OXR1: variants seen among roughly 807,000 people sequenced by gnomAD.
OXR1 encodes oxidation resistance protein 1.
In OXR1, 41 loss-of-function variants were observed where a neutral mutation model predicts 104.6. That is an observed-to-expected ratio of 0.39 (90% CI 0.31 to 0.51). OXR1 has a LOEUF of 0.51. OXR1 is among the 20% of genes least tolerant of loss of function. The pLI is 0.77. For missense variants in OXR1, 955 were observed against 1,031.9 expected (o/e 0.93, Z 1.02); for synonymous variants, 348 against 348.4 (o/e 1.00, Z 0.01).
intron 2 of OXR1, among the ~76,000 whole-genome samples, chr8:106,455,011 C>T (rs1820527890): frequency 6.6e-6 from 1 of 152,134 alleles, no homozygotes; most frequent in Admixed American, 6.6e-5. Context: ...TGTCTGTACC[C>T]TTGCTGCTTG....
At chr8:106,500,013 A>G (rs1811680291) in intron 2 of OXR1, among the ~76,000 whole-genome samples, 2 of 152,380 alleles carry the variant, frequency 1.3e-5, no homozygotes, top group South Asian at 4.1e-4. Context: ...CCAGTGACCC[A>G]GGAATCACAA....
chr8:106,750,926 C>T lies in OXR1; in HGVS notation c.2607C>T (p.Ile869=). 1 of 1,602,984 alleles carries T rather than the reference C, an allele frequency of 6.2e-7. No individual in the cohort carries two copies. Among genetic ancestry groups the T allele is most frequent in the Non-Finnish European group, 8.5e-7 (1 of 1,176,362 alleles). ...ATTTCTTTATCCAAGATATTGAAAT[C>T]TGGGCTTTTGAATAAATAAAATGCT... The part of the protein sequence containing the change: ...KEDFFIQDIE[I]WAFE Residue 869 remains isoleucine (I), a synonymous_variant, in exon 17 of 17, where the codon ATC becomes ATT. Transcript: ENST00000517566.
chr8:106,665,953 CA>C (rs202130844), intron 3 of OXR1, among the ~76,000 whole-genome samples: 10 of 145,050 alleles, frequency 6.9e-5, no homozygotes, highest in African/African-American at 1.8e-4. Flanking sequence ...GAGAATATAA[CA>C]AAAAAAAAAC....
At chr8:106,673,664 C>T (rs1387979979) in intron 3 of OXR1, among the ~76,000 whole-genome samples, 1 of 152,128 alleles carries the variant, frequency 6.6e-6, no homozygotes, top group Non-Finnish European at 1.5e-5. Context: ...GTTGCCCTTC[C>T]CATCACAGGC....
At chr8:106,431,517 G>C (rs1007360198) in intron 2 of OXR1, among the ~76,000 whole-genome samples, 3 of 152,114 alleles carry the variant, frequency 2.0e-5, no homozygotes, top group African/African-American at 7.2e-5. Flanking sequence ...AACAAAGCTA[G>C]AACGAATTTA....
In OXR1 at chr8:106,578,983, C is replaced by CTTTTTTTTTT. The variant is rs146593561; in HGVS notation, c.220+59847_220+59848insTTTTTTTTTT. ...GACCACCTAGGTAACCTCACTTTTT[C>CTTTTTTTTTT]TTTCTTTTTTTTTTTTTTTGCCTAG... On this transcript the variant is annotated intron_variant, in intron 3 of 16. Coordinates refer to ENST00000517566, the MANE Select transcript of OXR1 (RefSeq NM_001198533.2). 1.5e-3 allele frequency among the ~76,000 whole-genome samples: 194 copies of CTTTTTTTTTT among 130,874 alleles called. 4 individuals carry two copies. Among genetic ancestry groups the CTTTTTTTTTT allele is most frequent in the African/African-American group, 4.0e-3 (133 of 33,186 alleles). 85.9% of individuals were successfully genotyped at this position (130,874 alleles called of 152,430 possible).
intron 3 of OXR1, among the ~76,000 whole-genome samples, chr8:106,606,028 G>C (rs1043771429): frequency 5.9e-5 from 9 of 152,060 alleles, no homozygotes; most frequent in African/African-American, 2.2e-4. Flanking sequence ...GTTGTGACAA[G>C]TCATGCAAAA....
chr8:106,571,387 C>A (rs762788549), intron 3 of OXR1, among the ~76,000 whole-genome samples: 2 of 151,950 alleles, frequency 1.3e-5, no homozygotes, highest in African/African-American at 4.8e-5. Context: ...CTCTGTGGTA[C>A]CTCTCTGGTG....
chr8:106,731,747 T>C (rs1279165086), intron 11 of OXR1, among the ~76,000 whole-genome samples: 1 of 152,184 alleles, frequency 6.6e-6, no homozygotes, highest in Non-Finnish European at 1.5e-5. Context: ...ATTGATGTAT[T>C]TGTCAGTTCT....
At chr8:106,321,248 T>A (rs536258841) in intron 1 of OXR1, among the ~76,000 whole-genome samples, 2 of 152,244 alleles carry the variant, frequency 1.3e-5, no homozygotes, top group Non-Finnish European at 2.9e-5. Context: ...TGATGTTAAA[T>A]AAATTTTTCC....
chr8:106,548,596 A>G (rs1351846783), intron 3 of OXR1, among the ~76,000 whole-genome samples: 2 of 152,240 alleles, frequency 1.3e-5, no homozygotes, highest in African/African-American at 4.8e-5. Flanking sequence ...ATAAGTAAGG[A>G]TGAATTAAAG....
At chr8:106,590,914 T>A (rs1412278427) in intron 3 of OXR1, among the ~76,000 whole-genome samples, 2 of 152,118 alleles carry the variant, frequency 1.3e-5, no homozygotes, top group African/African-American at 4.8e-5. Flanking sequence ...AAGCCCACTC[T>A]ATTTTTGGTA....
Position 106,750,868 on chromosome 8 carries a change from C to T in OXR1, c.2549C>T (p.Thr850Met), listed in dbSNP as rs1459324936. 3.1e-6 allele frequency: 5 copies of T among 1,608,112 alleles called. No homozygotes were observed. Among genetic ancestry groups the T allele is most frequent in the Non-Finnish European group, 8.5e-7 (1 of 1,175,722 alleles). ...CATGGAAGAAGCCATTCTTGTAAAA[C>T]GTTTGGGAATCGTACACTTTCTAAG... Reference protein sequence around the residue: ...LYHGRSHSCKTFGNRTLSKKE... With the variant: ...LYHGRSHSCKMFGNRTLSKKE... Residue 850 changes from threonine to methionine, a missense_variant, in exon 17 of 17, where the codon ACG becomes ATG. Thr to Met is a moderately conservative substitution (Grantham distance 81). Coordinates refer to ENST00000517566, the MANE Select transcript of OXR1 (RefSeq NM_001198533.2).
At chr8:106,591,943 G>A (rs1281689808) in intron 3 of OXR1, among the ~76,000 whole-genome samples, 1 of 152,148 alleles carries the variant, frequency 6.6e-6, no homozygotes, top group South Asian at 2.1e-4. Flanking sequence ...GAGCTGCAGC[G>A]GCATTTCCGA....
At chr8:106,410,921 A>G (rs569917045) in intron 2 of OXR1, among the ~76,000 whole-genome samples, 1 of 152,248 alleles carries the variant, frequency 6.6e-6, no homozygotes, top group South Asian at 2.1e-4. Flanking sequence ...AAATGTTTAT[A>G]TTCATCCAAT....
In OXR1 at chr8:106,484,065, A is replaced by C. The variant is rs182045617; in HGVS notation, c.24-34878A>C. Reference sequence around the variant, plus strand: ...ATGACATGATCCAAGGAAGAAAAAAAATGATAAGCTGAACTTTATTAAAAT... The same window carrying C: ...ATGACATGATCCAAGGAAGAAAAAACATGATAAGCTGAACTTTATTAAAAT... On this transcript the variant is annotated intron_variant, in intron 2 of 16. Transcript: ENST00000517566. 3.9e-3 allele frequency among the ~76,000 whole-genome samples: 595 copies of C among 152,216 alleles called. 9 individuals are homozygous for C. In the South Asian group the frequency reaches 0.052, roughly 13 times the overall value.
chr8:106,401,130 C>T (rs1477190904), intron 2 of OXR1, among the ~76,000 whole-genome samples: 1 of 152,142 alleles, frequency 6.6e-6, no homozygotes, highest in Non-Finnish European at 1.5e-5. Flanking sequence ...TCATTGGCCA[C>T]AGTCCTTGAA....
chr8:106,706,418 T>C lies in OXR1; in HGVS notation c.897T>C (p.His299=), dbSNP rs1831149735. The C allele has an allele frequency of 3.2e-6, 5 of 1,585,258 alleles. No homozygotes were observed. Among genetic ancestry groups the C allele is most frequent in the African/African-American group, 2.7e-5 (2 of 73,086 alleles). The part of the protein sequence containing the change: ...IDQLSGRDFC[H]SKKMTGSNTE... ...AGCTATCAGGAAGGGACTTCTGCCA[T>C]TCAAAGAAAATGACAGGAAGTAACA... Residue 299 remains histidine (H), a synonymous_variant, in exon 9 of 17, where the codon CAT becomes CAC. Coordinates refer to ENST00000517566, the MANE Select transcript of OXR1 (RefSeq NM_001198533.2).
At chr8:106,742,121 A>T (rs1388485695) in intron 14 of OXR1, 101 bp from the exon 15 acceptor site, 1 of 712,600 alleles carries the variant, frequency 1.4e-6, no homozygotes, top group Admixed American at 2.7e-5. Flanking sequence ...ACTATACCAG[A>T]TTTCTATTTT....
Sources: gnomAD v4.1 joint callset for allele counts (sites outside exome capture counted in the v4.1 genomes callset) on GRCh38, gnomAD v4.1.1 for gene constraint, MANE v1.5 for transcripts, NCBI Gene and HGNC (gene_info 2026-07-23, HGNC 2026-07-21) for gene names.